The following PEBP4 variants were observed in gnomAD, a reference collection of about 807,000 sequenced individuals.
PEBP4 encodes the protein phosphatidylethanolamine-binding protein 4.
A neutral mutation model predicts 23.9 loss-of-function variants in PEBP4; 22 were observed. The observed-to-expected ratio is 0.92, with a 90% CI of 0.66 to 1.31. The LOEUF (loss-of-function observed/expected upper bound fraction) is 1.31. PEBP4 is among the 40% of genes most tolerant of loss of function. The pLI is 0.00. For missense variants in PEBP4, 324 were observed against 281.7 expected, an observed-to-expected ratio of 1.15 and a Z score of -1.07; for synonymous variants, 112 against 99.3, an observed-to-expected ratio of 1.13 and a Z score of -0.76.
chr8:22,909,919 C>T (rs1011270782), intron 3 of PEBP4, among the ~76,000 whole-genome samples: 9 of 152,230 alleles, frequency 5.9e-5, no homozygotes, highest in Non-Finnish European at 1.2e-4. Flanking sequence ...ACACTGGGGA[C>T]CAGAGGGCTG....
chr8:22,827,238 T>C (rs1172672497), intron 3 of PEBP4, among the ~76,000 whole-genome samples: 1 of 152,180 alleles, frequency 6.6e-6, no homozygotes. Context: ...TATATGGAGG[T>C]ATAGTTTACA....
rs530759922 is a variant in PEBP4, at chr8:22,770,390, T to A, written c.358-43170A>T. Among the ~76,000 whole-genome samples the A allele has an allele frequency of 3.3e-5, 5 of 152,340 alleles. No individual in the cohort carries two copies. The East Asian group carries it at 9.6e-4, about 29-fold the overall frequency. ...CTCCCTCAATGCCAGGCCAGCCTAG[T>A]CCCTGCTTCTCAAATGCTGTGTGTT... On this transcript the variant is annotated intron_variant, in intron 4 of 6. Coordinates refer to ENST00000256404, the MANE Select transcript of PEBP4 (RefSeq NM_144962.3).
chr8:22,765,138 T>TTCCTTCCG (rs1368497973), intron 4 of PEBP4, among the ~76,000 whole-genome samples: 4 of 151,632 alleles, frequency 2.6e-5, no homozygotes, highest in Non-Finnish European at 5.9e-5. Flanking sequence ...CCTTCCTTCC[T>TTCCTTCCG]TCCTTCCTTC....
intron 4 of PEBP4, chr8:22,798,717 TTTTCTTTTTTC>T (rs1345595647): frequency 1.2e-5 from 1 of 85,814 alleles, no homozygotes; most frequent in African/African-American, 5.3e-5. Context: ...TTTTTTTTTC[TTTTCTTTTTTC>T]TTTTTTTTTT....
intron 3 of PEBP4, among the ~76,000 whole-genome samples, chr8:22,862,801 T>C (rs1262427110): frequency 2.7e-4 from 4 of 14,714 alleles, no homozygotes; most frequent in Non-Finnish European, 8.4e-4. Context: ...CTCATAACCT[T>C]TTTTTTTTTT....
intron 3 of PEBP4, among the ~76,000 whole-genome samples, chr8:22,838,882 G>C (rs1417473153): frequency 2.0e-5 from 3 of 152,268 alleles, no homozygotes; most frequent in African/African-American, 7.2e-5. Context: ...AGAACGGGTA[G>C]TCATGGGACT....
intron 4 of PEBP4, among the ~76,000 whole-genome samples, chr8:22,730,229 T>G (rs1203718770): frequency 6.6e-6 from 1 of 152,228 alleles, no homozygotes; most frequent in Non-Finnish European, 1.5e-5. Context: ...CACCCGATTT[T>G]AGCTCTTCTA....
intron 4 of PEBP4, among the ~76,000 whole-genome samples, chr8:22,762,037 A>T (rs533261461): frequency 1.4e-5 from 2 of 144,014 alleles, no homozygotes; most frequent in Non-Finnish European, 1.5e-5. Flanking sequence ...ACTACTTTCT[A>T]ACCCCCACCT....
intron 3 of PEBP4, among the ~76,000 whole-genome samples, chr8:22,894,995 G>A (rs1808563156): frequency 6.6e-6 from 1 of 152,196 alleles, no homozygotes; most frequent in Non-Finnish European, 1.5e-5. Flanking sequence ...TTTCAGCATG[G>A]CCAAGGGAGA....
At chr8:22,799,002 C>G (rs1806328429) in intron 4 of PEBP4, among the ~76,000 whole-genome samples, 1 of 151,974 alleles carries the variant, frequency 6.6e-6, no homozygotes. Context: ...CATCCCAAAG[C>G]CCTGGGATTA....
At chr8:22,827,417 A>G (rs1313067887) in intron 3 of PEBP4, among the ~76,000 whole-genome samples, 1 of 152,224 alleles carries the variant, frequency 6.6e-6, no homozygotes, top group African/African-American at 2.4e-5. Context: ...AGTTCCAAGC[A>G]ACCATGAATC....
At chr8:22,794,441 A>G (rs1806201309) in intron 4 of PEBP4, among the ~76,000 whole-genome samples, 2 of 152,072 alleles carry the variant, frequency 1.3e-5, no homozygotes, top group Admixed American at 6.6e-5. Flanking sequence ...GGAGGCCCCT[A>G]TGCCAGCTAA....
chr8:22,838,119 T>G (rs1807245309), intron 3 of PEBP4, among the ~76,000 whole-genome samples: 1 of 152,084 alleles, frequency 6.6e-6, no homozygotes, highest in Admixed American at 6.5e-5. Flanking sequence ...CAGGCTGGTC[T>G]GAAACTCTTG....
chr8:22,754,831 G>T (rs1805343673), intron 4 of PEBP4: 2 of 152,310 alleles, frequency 1.3e-5, no homozygotes, highest in African/African-American at 4.8e-5. Flanking sequence ...GGATGTGGGA[G>T]TTTGAGACCC....
At chr8:22,794,115 T>C (rs1206806319) in intron 4 of PEBP4, among the ~76,000 whole-genome samples, 1 of 152,222 alleles carries the variant, frequency 6.6e-6, no homozygotes, top group Non-Finnish European at 1.5e-5. Context: ...TGTATTTCTT[T>C]TGAAAAAATT....
chr8:22,799,708 C>A (rs1382267730), intron 4 of PEBP4, among the ~76,000 whole-genome samples: 1 of 152,178 alleles, frequency 6.6e-6, no homozygotes, highest in African/African-American at 2.4e-5. Context: ...CCCCCGTCCC[C>A]CAATCCCACG....
At chr8:22,848,065 G>A (rs1807476188) in intron 3 of PEBP4, among the ~76,000 whole-genome samples, 1 of 152,006 alleles carries the variant, frequency 6.6e-6, no homozygotes, top group African/African-American at 2.4e-5. Flanking sequence ...TCTTTTGGGG[G>A]GAATTCAAAA....
At chr8:22,844,256 T>G (rs1273140944) in intron 3 of PEBP4, among the ~76,000 whole-genome samples, 1 of 152,200 alleles carries the variant, frequency 6.6e-6, no homozygotes, top group African/African-American at 2.4e-5. Flanking sequence ...TTATTTATTT[T>G]GAGACAGAGT....
intron 3 of PEBP4, among the ~76,000 whole-genome samples, chr8:22,919,887 G>A (rs1247671620): frequency 6.6e-6 from 1 of 152,156 alleles, no homozygotes; most frequent in Non-Finnish European, 1.5e-5. Flanking sequence ...CAGGCTTGGG[G>A]TCCCAGATCT....
Sources: allele counts gnomAD v4.1 joint callset (sites outside exome capture counted in the v4.1 genomes callset), GRCh38; gene constraint gnomAD v4.1.1; transcripts MANE v1.5; gene names NCBI Gene and HGNC (gene_info 2026-07-23, HGNC 2026-07-21).